The following RARS2 variants were observed in gnomAD, a reference collection of about 807,000 sequenced individuals.
RARS2 encodes probable arginine--tRNA ligase, mitochondrial.
RARS2 carries 67 observed loss-of-function variants against 88.5 expected under a neutral mutation model. That is an observed-to-expected ratio of 0.76 (90% CI 0.62 to 0.93). The LOEUF (loss-of-function observed/expected upper bound fraction) is 0.93. Among genes scored for constraint, RARS2 ranks in the 40% least tolerant of loss-of-function variants. RARS2 has a pLI of 0.00. For synonymous variants in RARS2, 239 were observed against 230.3 expected, an observed-to-expected ratio of 1.04 and a Z score of -0.34; for missense variants, 664 against 684.2, an observed-to-expected ratio of 0.97 and a Z score of 0.33.
intron 2 of RARS2, 25 bp from the exon 3 acceptor site, chr6:87,564,257 T>C (rs900647916): frequency 5.4e-6 from 8 of 1,485,026 alleles, no homozygotes; most frequent in Non-Finnish European, 6.6e-6. Flanking sequence ...CGAAACGAGA[T>C]AGAACTGTTA....
intron 4 of RARS2, among the ~76,000 whole-genome samples, chr6:87,556,183 T>C (rs1215020005): frequency 6.6e-6 from 1 of 152,200 alleles, no homozygotes; most frequent in Non-Finnish European, 1.5e-5. Flanking sequence ...TCCAGGTTAG[T>C]TTTTAGTTAT....
intron 10 of RARS2, among the ~76,000 whole-genome samples, chr6:87,525,805 C>T (rs1775498817): frequency 1.3e-5 from 2 of 152,056 alleles, no homozygotes; most frequent in African/African-American, 2.4e-5. Context: ...CCCGGCCTCC[C>T]AAAGTGCTGG....
intron 1 of RARS2, among the ~76,000 whole-genome samples, chr6:87,574,830 AAACT>A (rs1770881340): frequency 6.6e-6 from 1 of 152,204 alleles, no homozygotes. Context: ...TTTTACCATA[AAACT>A]AATAATTAAG....
chr6:87,526,221 A>C (rs1241691658), intron 10 of RARS2, among the ~76,000 whole-genome samples: 1 of 152,160 alleles, frequency 6.6e-6, no homozygotes, highest in Admixed American at 6.5e-5. Flanking sequence ...ATTGAGCAAA[A>C]AGAATAAAGT....
intron 1 of RARS2, among the ~76,000 whole-genome samples, chr6:87,575,225 G>GCACACACACA (rs58168335): frequency 0.029 from 3,302 of 114,554 alleles, 114 homozygotes; most frequent in Non-Finnish European, 0.03. Context: ...AAAATAGAAA[G>GCACACACACA]CACACACACA....
At chr6:87,526,617 C>G (rs1375553539) in intron 10 of RARS2, among the ~76,000 whole-genome samples, 13 of 151,544 alleles carry the variant, frequency 8.6e-5, no homozygotes. Context: ...AACATAGGAC[C>G]AATGGAATAG....
rs9450725 is a variant in RARS2 at position 87,524,825 on chromosome 6, C to T, written c.879-173G>A. 0.41 allele frequency among the ~76,000 whole-genome samples: 62,994 copies of T among 152,044 alleles called. 13,151 individuals are homozygous for T. Among genetic ancestry groups the T allele is most frequent in the Admixed American group, 0.48 (7,394 of 15,286 alleles). The stretch of plus-strand genomic sequence containing the variant: ...AAAAAACAAGAATATGACCAAGAAT[C>T]TCTTATGAATGGGTATGATGTAATT... On this transcript the variant is annotated intron_variant, in intron 10 of 19. Transcript: ENST00000369536.
intron 2 of RARS2, chr6:87,564,461 C>G: frequency 2.0e-6 from 1 of 494,198 alleles, no homozygotes. Flanking sequence ...AGTTCTAGAC[C>G]AGCCTGGCCA....
chr6:87,529,353 C>A (rs1161221480), intron 10 of RARS2, among the ~76,000 whole-genome samples, 189 bp downstream of exon 10: 1 of 152,152 alleles, frequency 6.6e-6, no homozygotes, highest in Admixed American at 6.6e-5. Flanking sequence ...CATCCTTTCT[C>A]CAAGCCTGAA....
At chr6:87,537,785 T>C (rs2128094448) in intron 8 of RARS2, among the ~76,000 whole-genome samples, 1 of 152,308 alleles carries the variant, frequency 6.6e-6, no homozygotes, top group South Asian at 2.1e-4. Flanking sequence ...TTCCTTCGAA[T>C]AAATCAGCCA....
chr6:87,557,307 G>A (rs551873427), intron 4 of RARS2, among the ~76,000 whole-genome samples: 3 of 152,300 alleles, frequency 2.0e-5, no homozygotes, highest in African/African-American at 7.2e-5. Context: ...TATATAGACA[G>A]TATACAGAAT....
At chr6:87,548,224 C>CA (rs1298705408) in intron 6 of RARS2, among the ~76,000 whole-genome samples, 7 of 151,994 alleles carry the variant, frequency 4.6e-5, no homozygotes, top group Non-Finnish European at 8.8e-5. Context: ...GCCTAAGTGA[C>CA]AAAAAAACCA....
At chr6:87,589,008 T>C (rs527406233) in intron 1 of RARS2, among the ~76,000 whole-genome samples, 10 of 152,264 alleles carry the variant, frequency 6.6e-5, no homozygotes, top group African/African-American at 2.4e-4. Context: ...AGTACATCTA[T>C]AAACATAAAG....
At chr6:87,572,908 G>A (rs1291956282) in intron 1 of RARS2, among the ~76,000 whole-genome samples, 2 of 151,950 alleles carry the variant, frequency 1.3e-5, no homozygotes, top group African/African-American at 2.4e-5. Flanking sequence ...TTTACACCTA[G>A]TAATACAGGG....
At chr6:87,559,218 T>C (rs1787000187) in intron 4 of RARS2, among the ~76,000 whole-genome samples, 1 of 151,858 alleles carries the variant, frequency 6.6e-6, no homozygotes, top group African/African-American at 2.4e-5. Context: ...AAGAAAAAAG[T>C]TTAAAAAATG....
At chr6:87,529,446 C>T in intron 10 of RARS2, 96 bp downstream of exon 10, 1 of 833,076 alleles carries the variant, frequency 1.2e-6, no homozygotes, top group Non-Finnish European at 2.1e-6. Flanking sequence ...CCCAAGAAAG[C>T]TGCACATTGC....
intron 18 of RARS2, among the ~76,000 whole-genome samples, 175 bp from the exon 19 acceptor site, chr6:87,515,195 C>T (rs1156366772): frequency 6.6e-6 from 1 of 152,070 alleles, no homozygotes; most frequent in Non-Finnish European, 1.5e-5. Flanking sequence ...AGATCTTGGC[C>T]CTATTCTACT....
At chr6:87,530,646 A>T (rs2128062418) in intron 9 of RARS2, 138 bp downstream of exon 9, 1 of 1,154,932 alleles carries the variant, frequency 8.7e-7, no homozygotes, top group East Asian at 2.5e-5. Context: ...AGCCCAAAAA[A>T]AAAATTTGAG....
At chr6:87,568,872 T>G (rs1768768471) in intron 2 of RARS2, among the ~76,000 whole-genome samples, 1 of 152,240 alleles carries the variant, frequency 6.6e-6, no homozygotes, top group Non-Finnish European at 1.5e-5. Context: ...CTTAAATGAC[T>G]ACTATGTAGC....
Sources: gnomAD v4.1 joint callset for allele counts (sites outside exome capture counted in the v4.1 genomes callset) on GRCh38, gnomAD v4.1.1 for gene constraint, MANE v1.5 for transcripts, NCBI Gene and HGNC (gene_info 2026-07-23, HGNC 2026-07-21) for gene names.